ALCAM: variants seen among roughly 807,000 people sequenced by gnomAD.
ALCAM encodes the protein CD166 antigen.
A neutral mutation model predicts 70.9 loss-of-function variants in ALCAM; 30 were observed. The ratio of observed to expected loss-of-function variants is 0.42; its 90% CI spans 0.32 to 0.57. The LOEUF (loss-of-function observed/expected upper bound fraction) is 0.57, where lower values mean the gene tolerates loss of function less well. Ranked by LOEUF, ALCAM falls within the 20% of genes least tolerant of loss-of-function variation. The pLI is 0.11. For missense variants in ALCAM, 591 were observed against 695.1 expected (o/e 0.85, Z 1.68); for synonymous variants, 249 against 242.5 (o/e 1.03, Z -0.25).
At chr3:105,553,097 C>A (rs1197485604) in intron 14 of ALCAM, 2 of 983,790 alleles carry the variant, frequency 2.0e-6, no homozygotes, top group Non-Finnish European at 2.4e-6. Context: ...AAAATCATGT[C>A]ATTATGTCAA....
chr3:105,517,751 A>G (rs1390811161), intron 1 of ALCAM, among the ~76,000 whole-genome samples: 1 of 152,164 alleles, frequency 6.6e-6, no homozygotes, highest in Admixed American at 6.5e-5. Context: ...AAGATAAGAT[A>G]TGAATGGCTT....
chr3:105,520,600 A>C (rs924130109), intron 2 of ALCAM, among the ~76,000 whole-genome samples: 11 of 152,210 alleles, frequency 7.2e-5, no homozygotes, highest in Admixed American at 7.2e-4. Context: ...CATCAGTATT[A>C]CAAGCTTGAT....
In ALCAM at chr3:105,524,499, A is replaced by G; in HGVS notation, c.385A>G (p.Lys129Glu). ...CGTGTTTGAGGCACCTACAATAGTC[A>G]AGGTGTTCAGTAAGTAGTCTGCAGC... ...DNVFEAPTIV[K>E]VFKQPSKPEI... The change falls in exon 3 of 16, where the codon AAG becomes GAG. Residue 129 changes from lysine to glutamate, a missense_variant. Physicochemically the swap from Lys to Glu is moderately conservative, Grantham distance 56. Transcript: ENST00000306107. 6.2e-7 allele frequency: 1 copy of G among 1,614,106 alleles called. No homozygotes were observed. The highest frequency in any genetic ancestry group is 8.5e-7 in the Non-Finnish European group (1 of 1,179,946).
intron 1 of ALCAM, among the ~76,000 whole-genome samples, chr3:105,378,317 A>G (rs1935428306): frequency 6.6e-6 from 1 of 152,048 alleles, no homozygotes; most frequent in Non-Finnish European, 1.5e-5. Flanking sequence ...TTGTATGCAC[A>G]TACTGTAATT....
intron 1 of ALCAM, among the ~76,000 whole-genome samples, chr3:105,489,831 G>GA (rs11422104): frequency 0.55 from 83,376 of 151,798 alleles, 23,341 homozygotes; most frequent in African/African-American, 0.65. Context: ...CTGACATAGA[G>GA]AAAAAAATAT....
chr3:105,459,837 G>A (rs1006871969), intron 1 of ALCAM, among the ~76,000 whole-genome samples: 1 of 151,978 alleles, frequency 6.6e-6, no homozygotes, highest in Non-Finnish European at 1.5e-5. Flanking sequence ...TCTCCTCTTA[G>A]TTCCCGCTCT....
intron 1 of ALCAM, among the ~76,000 whole-genome samples, chr3:105,452,623 G>T (rs1335667473): frequency 6.6e-6 from 1 of 152,032 alleles, no homozygotes; most frequent in Non-Finnish European, 1.5e-5. Context: ...TGAAATTTCT[G>T]GTTCTAGATC....
At chr3:105,368,576 A>G (rs1235654842) in intron 1 of ALCAM, among the ~76,000 whole-genome samples, 1 of 152,014 alleles carries the variant, frequency 6.6e-6, no homozygotes, top group Non-Finnish European at 1.5e-5. Context: ...GCTTTTATCA[A>G]AGAAAAATCT....
intron 1 of ALCAM, among the ~76,000 whole-genome samples, chr3:105,398,111 A>C (rs1260581860): frequency 1.3e-5 from 2 of 152,074 alleles, no homozygotes; most frequent in Non-Finnish European, 2.9e-5. Context: ...CAGATTCAGT[A>C]TTTCTGAAGT....
chr3:105,449,039 G>C (rs1390535235), intron 1 of ALCAM, among the ~76,000 whole-genome samples: 2 of 152,164 alleles, frequency 1.3e-5, no homozygotes, highest in Non-Finnish European at 2.9e-5. Flanking sequence ...CTTCATAGCT[G>C]TGAAGTGACC....
chr3:105,425,512 A>C (rs964919590), intron 1 of ALCAM, among the ~76,000 whole-genome samples: 1 of 151,846 alleles, frequency 6.6e-6, no homozygotes, highest in Admixed American at 6.6e-5. Context: ...AAAATAATTT[A>C]TCACAAAAAT....
intron 1 of ALCAM, among the ~76,000 whole-genome samples, chr3:105,444,246 G>A (rs983973249): frequency 6.6e-5 from 10 of 152,152 alleles, no homozygotes; most frequent in Admixed American, 5.2e-4. Context: ...AATTTATCAA[G>A]GGAAGAGATT....
chr3:105,415,433 G>C (rs2107403883), intron 1 of ALCAM, among the ~76,000 whole-genome samples: 1 of 152,178 alleles, frequency 6.6e-6, no homozygotes, highest in Non-Finnish European at 1.5e-5. Flanking sequence ...TAAATCCCCA[G>C]CATTAGCTTT....
chr3:105,430,739 G>T (rs765004378), intron 1 of ALCAM, among the ~76,000 whole-genome samples: 5 of 152,076 alleles, frequency 3.3e-5, no homozygotes. Context: ...TTTCCAAGGA[G>T]TGAATATTTA....
intron 1 of ALCAM, among the ~76,000 whole-genome samples, chr3:105,484,630 C>T (rs1309034671): frequency 6.6e-6 from 1 of 152,036 alleles, no homozygotes; most frequent in Non-Finnish European, 1.5e-5. Context: ...GTCCTTGGTA[C>T]CATGAAGATC....
chr3:105,413,368 A>T (rs1936434259), intron 1 of ALCAM, among the ~76,000 whole-genome samples: 1 of 152,114 alleles, frequency 6.6e-6, no homozygotes, highest in Admixed American at 6.6e-5. Flanking sequence ...ATTTCTTCTG[A>T]TGTTAAATTT....
chr3:105,515,951 A>G (rs1267224200), intron 1 of ALCAM, among the ~76,000 whole-genome samples: 1 of 152,064 alleles, frequency 6.6e-6, no homozygotes, highest in African/African-American at 2.4e-5. Flanking sequence ...TGAAACCGGC[A>G]TTTAGTTCTT....
chr3:105,403,834 A>T (rs924165249), intron 1 of ALCAM, among the ~76,000 whole-genome samples: 1 of 151,814 alleles, frequency 6.6e-6, no homozygotes, highest in African/African-American at 2.4e-5. Context: ...GAAATAAAAA[A>T]CATGATACAG....
rs1224519369 is a variant in ALCAM at position 105,552,618 on chromosome 3, T to C, written c.1664+33T>C. ...GTGGAAAAAAGATCTTCATCGTTCA[T>C]TGACTTTCACTGGGAGAAAATACAA... On this transcript the variant is annotated intron_variant, in intron 14 of 15. Coordinates refer to ENST00000306107, the MANE Select transcript of ALCAM (RefSeq NM_001627.4). 3.1e-6 allele frequency: 5 copies of C among 1,610,200 alleles called. No individual in the cohort carries two copies. In the African/African-American group the frequency reaches 5.4e-5, roughly 17 times the overall value.
Sources: gnomAD v4.1 joint callset for allele counts (sites outside exome capture counted in the v4.1 genomes callset) on GRCh38, gnomAD v4.1.1 for gene constraint, MANE v1.5 for transcripts, NCBI Gene and HGNC (gene_info 2026-07-23, HGNC 2026-07-21) for gene names.